Variants in TMEM182 observed in about 807,000 individuals in gnomAD.
TMEM182 encodes the protein transmembrane protein 182.
TMEM182 carries 20 observed loss-of-function variants against 26.8 expected under a neutral mutation model. The ratio of observed to expected loss-of-function variants is 0.75; its 90% confidence interval spans 0.53 to 1.09. TMEM182 has a LOEUF of 1.09. Ranked by LOEUF, TMEM182 falls within the 50% of genes least tolerant of loss-of-function variation. The pLI is 0.00. For synonymous variants in TMEM182, 109 were observed against 102.2 expected (o/e 1.07, Z -0.40); for missense variants, 277 against 275.5 (o/e 1.01, Z -0.04).
In TMEM182 at chr2:102,772,400, G is replaced by T. The variant is rs371336473; in HGVS notation, c.331+7973G>T. 1.1e-4 allele frequency among the ~76,000 whole-genome samples: 16 copies of T among 152,286 alleles called. No individual in the cohort carries two copies. In the South Asian group the frequency reaches 1.7e-3, roughly 16 times the overall value. On this transcript the variant is annotated intron_variant, in intron 3 of 4. Coordinates refer to ENST00000412401, the MANE Select transcript of TMEM182 (RefSeq NM_144632.5). ...TGGAAGAAAGTAAAAGATGAGAGGG[G>T]TGTGTGTGTATGGAGGGGACTTCCA...
upstream of TMEM182, chr2:102,758,253 G>C: frequency 2.0e-6 from 1 of 495,198 alleles, no homozygotes; most frequent in Non-Finnish European, 3.7e-6. Flanking sequence ...AAAGGGAAGA[G>C]AGAACCTATG....
intron 1 of TMEM182, among the ~76,000 whole-genome samples, chr2:102,755,324 C>T (rs187679272): frequency 2.0e-5 from 3 of 152,172 alleles, no homozygotes; most frequent in South Asian, 2.1e-4. Flanking sequence ...TTTCCTTGTT[C>T]GCAAAAGTAT....
At chr2:102,738,263 AT>A (rs1458038114) in intron 1 of TMEM182, among the ~76,000 whole-genome samples, 1 of 152,170 alleles carries the variant, frequency 6.6e-6, no homozygotes, top group Non-Finnish European at 1.5e-5. Flanking sequence ...ACAGGTACAC[AT>A]TATAACCTAG....
chr2:102,754,598 A>G (rs1413527772), intron 1 of TMEM182, among the ~76,000 whole-genome samples: 1 of 152,204 alleles, frequency 6.6e-6, no homozygotes, highest in Non-Finnish European at 1.5e-5. Context: ...TGATTTCTGC[A>G]TTTGTTTAAA....
Position 102,762,150 on chromosome 2 carries a change from T to G in TMEM182, c.-68T>G. 204 of 1,235,320 alleles carry G rather than the reference T, an allele frequency of 1.7e-4. No homozygotes were observed. Among genetic ancestry groups the G allele is most frequent in the Non-Finnish European group, 2.1e-4 (184 of 886,894 alleles). The allele number at this position is 1,235,320 out of a possible 1,614,324, so 76.5% of individuals were successfully genotyped here. On this transcript the variant is annotated 5_prime_UTR_variant, in exon 1 of 5. Coordinates refer to ENST00000412401, the MANE Select transcript of TMEM182 (RefSeq NM_144632.5). Reference sequence around the variant, plus strand: ...TTTTTTTTTTTTTTGCTGTTGTTTCTGAGAAACTAGGTGTCTTACCATTTT... The same window carrying G: ...TTTTTTTTTTTTTTGCTGTTGTTTCGGAGAAACTAGGTGTCTTACCATTTT...
chr2:102,802,799 C>A lies in TMEM182; in HGVS notation c.469+4799C>A, dbSNP rs377734475. Among the ~76,000 whole-genome samples the A allele has an allele frequency of 4.6e-5, 7 of 152,326 alleles. No homozygotes were observed. In the East Asian group the frequency reaches 1.2e-3, roughly 25 times the overall value. On this transcript the variant is annotated intron_variant, in intron 4 of 4. Coordinates refer to ENST00000412401, the MANE Select transcript of TMEM182 (RefSeq NM_144632.5). ...GAAATGAGTAAGGATGTGGCCTGGA[C>A]ACTCAGGACACTGGCATTGGGAGAT...
At chr2:102,829,324 C>CCTGTGGCATAAACT (rs1683104636) in intron 3 of TMEM182, among the ~76,000 whole-genome samples, 2 of 152,194 alleles carry the variant, frequency 1.3e-5, no homozygotes, top group African/African-American at 4.8e-5. Context: ...CTAACTGCAT[C>CCTGTGGCATAAACT]AGGGTGGGAC....
At chr2:102,785,448 A>G (rs1271787270) in intron 3 of TMEM182, among the ~76,000 whole-genome samples, 1 of 152,176 alleles carries the variant, frequency 6.6e-6, no homozygotes, top group Admixed American at 6.5e-5. Context: ...CTTTCCTTTT[A>G]GACTGCTTGG....
intron 4 of TMEM182, among the ~76,000 whole-genome samples, chr2:102,813,955 T>A (rs901289004): frequency 1.3e-5 from 2 of 152,032 alleles, no homozygotes; most frequent in African/African-American, 4.8e-5. Context: ...TCTTTCTTTT[T>A]TTCTTTCATT....
intron 1 of TMEM182, among the ~76,000 whole-genome samples, chr2:102,756,208 C>T (rs1010716915): frequency 1.3e-5 from 2 of 152,176 alleles, no homozygotes; most frequent in Admixed American, 1.3e-4. Context: ...ATTTGCAGTG[C>T]TAGCAAAGGC....
intron 3 of TMEM182, among the ~76,000 whole-genome samples, chr2:102,779,047 A>C (rs1681048886): frequency 6.6e-6 from 1 of 151,908 alleles, no homozygotes; most frequent in African/African-American, 2.4e-5. Flanking sequence ...TCATCTGAGG[A>C]TGTCTTGATT....
rs766245281 is a variant in TMEM182 at position 102,814,947 on chromosome 2, G to A, written c.669G>A (p.Trp223Ter). 2.0e-5 allele frequency: 33 copies of A among 1,613,564 alleles called. No homozygotes were observed. The highest frequency in any genetic ancestry group is 2.8e-5 in the Non-Finnish European group (33 of 1,179,866). ...LAGLLFLVVG[W>*]HIQIHH ...GATTACTATTTCTGGTTGTTGGATG[G>A]CATATTCAGATACATCACTAAATCA... Residue 223 changes from tryptophan (W) to a stop codon, truncating the protein, a stop_gained, in exon 5 of 5, where the codon TGG (tryptophan) becomes TGA (stop). Coordinates refer to ENST00000412401, the MANE Select transcript of TMEM182 (RefSeq NM_144632.5). LOFTEE classifies it high-confidence loss of function.
chr2:102,843,597 A>G (rs192023969), exon 4 of TMEM182: 2 of 152,334 alleles, frequency 1.3e-5, no homozygotes, highest in Non-Finnish European at 2.9e-5. Context: ...ACACTTGTAT[A>G]TAACTCGTTT....
At chr2:102,786,145 T>C (rs751899412) in intron 3 of TMEM182, among the ~76,000 whole-genome samples, 1 of 151,630 alleles carries the variant, frequency 6.6e-6, no homozygotes, top group Admixed American at 6.6e-5. Flanking sequence ...CTGGTGTTCT[T>C]GATTCATTTG....
downstream of TMEM182, among the ~76,000 whole-genome samples, chr2:102,822,292 CAG>C (rs879575428): frequency 3.3e-5 from 5 of 152,024 alleles, no homozygotes; most frequent in Non-Finnish European, 7.4e-5. Flanking sequence ...GAGAACCAAA[CAG>C]GGGAGGACAA....
intron 2 of TMEM182, 62 bp from the exon 3 acceptor site, chr2:102,764,267 T>G: frequency 6.6e-7 from 1 of 1,510,602 alleles, no homozygotes; most frequent in Non-Finnish European, 9.2e-7. Context: ...TCTGTTCCAT[T>G]AAGGATGAGT....
chr2:102,775,829 C>T (rs1428193654), intron 3 of TMEM182, among the ~76,000 whole-genome samples: 3 of 152,112 alleles, frequency 2.0e-5, no homozygotes, highest in Non-Finnish European at 4.4e-5. Flanking sequence ...ATCCAACTTA[C>T]AAGGGATGTG....
At chr2:102,785,574 G>A (rs961509681) in intron 3 of TMEM182, among the ~76,000 whole-genome samples, 1 of 152,030 alleles carries the variant, frequency 6.6e-6, no homozygotes, top group African/African-American at 2.4e-5. Flanking sequence ...ATGAGAGTGT[G>A]GAACTCAATT....
chr2:102,756,815 T>C (rs1192282683), intron 1 of TMEM182, among the ~76,000 whole-genome samples: 8 of 133,840 alleles, frequency 6.0e-5, no homozygotes, highest in Admixed American at 5.1e-4. Flanking sequence ...AATCCCATTC[T>C]TTTTTCCTTT....
Sources: allele counts gnomAD v4.1 joint callset (sites outside exome capture counted in the v4.1 genomes callset), GRCh38; gene constraint gnomAD v4.1.1; transcripts MANE v1.5; gene names NCBI Gene and HGNC (gene_info 2026-07-23, HGNC 2026-07-21).